SRCAP: variants seen among roughly 807,000 people sequenced by gnomAD.
The protein encoded by SRCAP is Snf2 related CREBBP activator protein.
In SRCAP, 46 loss-of-function variants were observed where a neutral mutation model predicts 263.1. That is an observed-to-expected ratio of 0.17 (90% CI 0.14 to 0.22). The LOEUF is 0.22. SRCAP is among the 10% of genes least tolerant of loss of function. SRCAP has a pLI of 1.00. For missense variants in SRCAP, 3,695 were observed against 4,181.9 expected (o/e 0.88, Z 3.21); for synonymous variants, 1,813 against 1,662.1 (o/e 1.09, Z -2.21).
chr16:30,738,933 C>T lies in SRCAP; in HGVS notation c.8893C>T (p.Arg2965Trp), dbSNP rs141497857. The T allele has an allele frequency of 3.0e-4, 481 of 1,614,026 alleles. 1 individual carries two copies. In the Admixed American group the frequency reaches 6.9e-3, roughly 23 times the overall value. ...SSAGDGNSESRTQPPPHPSPL... is the reference protein window; with the variant it reads ...SSAGDGNSESWTQPPPHPSPL... ...TGCAGGGGATGGCAACTCCGAAAGTCGGACACAGCCACCCCCACACCCATC... is the reference window on the plus strand; with the variant it reads ...TGCAGGGGATGGCAACTCCGAAAGTTGGACACAGCCACCCCCACACCCATC... The change falls in exon 34 of 34, where the codon CGG (arginine) becomes TGG (tryptophan). Residue 2965 changes from arginine (R) to tryptophan (W), a missense_variant. By Grantham distance (101) the Arg-to-Trp change is moderately radical. Coordinates refer to ENST00000262518, the MANE Select transcript of SRCAP (RefSeq NM_006662.3).
intron 27 of SRCAP, among the ~76,000 whole-genome samples, chr16:30,730,513 C>T (rs2053103783): frequency 6.6e-6 from 1 of 152,084 alleles, no homozygotes; most frequent in Non-Finnish European, 1.5e-5. Context: ...CTCACTGCAA[C>T]TTCCGCCTCC....
Position 30,724,859 on chromosome 16 carries a change from C to T in SRCAP, c.5435C>T (p.Ser1812Phe), listed in dbSNP as rs2053048173. 1 of 1,614,032 alleles carries T rather than the reference C, an allele frequency of 6.2e-7. No homozygotes were observed. Among genetic ancestry groups the T allele is most frequent in the Admixed American group, 1.7e-5 (1 of 60,014 alleles). Reference sequence around the variant, plus strand: ...CAGACCTTGGCGCTGGCCCCAGCCTCCACACAGTCCCCAGCTTCCCAGGCA... The same window carrying T: ...CAGACCTTGGCGCTGGCCCCAGCCTTCACACAGTCCCCAGCTTCCCAGGCA... ...AAQTLALAPA[S>F]TQSPASQASS... is the part of the protein sequence containing the mutation. Residue 1812 changes from serine (S) to phenylalanine (F), a missense_variant, in exon 25 of 34, where the codon TCC becomes TTC. Coordinates refer to ENST00000262518, the MANE Select transcript of SRCAP (RefSeq NM_006662.3).
Position 30,720,446 on chromosome 16 carries a change from GATGGGTGCAAAC to G in SRCAP, c.2987+116_2987+127del, listed in dbSNP as rs902869532. The stretch of plus-strand genomic sequence containing the variant: ...ATGCAAGGCTGGAATATTTATATGG[GATGGGTGCAAAC>G]GTGGAGGGAATCAGGGAGAGAATAA... On this transcript the variant is annotated intron_variant, in intron 19 of 33. Transcript: ENST00000262518. 32 of 1,282,034 alleles carry G rather than the reference GATGGGTGCAAAC, an allele frequency of 2.5e-5. No individual in the cohort carries two copies. The African/African-American group carries it at 4.6e-4, about 18-fold the overall frequency. 79.4% of individuals were successfully genotyped at this position (1,282,034 alleles called of 1,614,324 possible).
chr16:30,728,099 C>T (rs2053080254), intron 25 of SRCAP, among the ~76,000 whole-genome samples: 1 of 152,114 alleles, frequency 6.6e-6, no homozygotes, highest in Admixed American at 6.6e-5. Context: ...CACTTCAAGC[C>T]AAGAGGTGAA....
intron 19 of SRCAP, 80 bp downstream of exon 19, chr16:30,720,411 A>G (rs1159075578): frequency 6.7e-7 from 1 of 1,487,348 alleles, no homozygotes; most frequent in African/African-American, 1.4e-5. Context: ...GGTGGGAAGA[A>G]AAGAGTTGGA....
intron 18 of SRCAP, among the ~76,000 whole-genome samples, 170 bp from the exon 19 acceptor site, chr16:30,719,992 A>G (rs992644319): frequency 1.3e-5 from 2 of 152,108 alleles, no homozygotes; most frequent in African/African-American, 2.4e-5. Context: ...TCTCATCTTC[A>G]TGTCCATGCG....
rs754805776 is a variant in SRCAP at position 30,713,299 on chromosome 16, G to A, written c.2222G>A (p.Arg741His). Residue 741 changes from arginine to histidine, a missense_variant, in exon 15 of 34, where the codon CGC becomes CAC. Physicochemically the swap from Arg to His is conservative, Grantham distance 29. Coordinates refer to ENST00000262518, the MANE Select transcript of SRCAP (RefSeq NM_006662.3). ...CAGGCCTTCCGTCGCAAGAACTGGC[G>A]CTATCTCATTCTGGATGAGGCGCAG... is the stretch of plus-strand genomic sequence containing the variant. ...DHQAFRRKNWRYLILDEAQNI... is the reference protein window; with the variant it reads ...DHQAFRRKNWHYLILDEAQNI... 13 of 1,614,146 alleles carry A rather than the reference G, an allele frequency of 8.1e-6. No homozygotes were observed. Among genetic ancestry groups the A allele is most frequent in the Admixed American group, 1.7e-5 (1 of 60,006 alleles).
chr16:30,712,930 T>C, intron 14 of SRCAP, 115 bp downstream of exon 14: 2 of 1,365,914 alleles, frequency 1.5e-6, no homozygotes, highest in Non-Finnish European at 2.0e-6. Flanking sequence ...ATTTTTTAAT[T>C]TTTTGTAAAA....
intron 25 of SRCAP, among the ~76,000 whole-genome samples, chr16:30,727,646 A>G (rs1220859141): frequency 6.6e-6 from 1 of 152,050 alleles, no homozygotes; most frequent in Non-Finnish European, 1.5e-5. Flanking sequence ...TCCGCCTCCC[A>G]GGTTCAAGCG....
intron 20 of SRCAP, 70 bp downstream of exon 20, chr16:30,721,048 G>A (rs1329435278): frequency 6.5e-7 from 1 of 1,547,946 alleles, no homozygotes; most frequent in Non-Finnish European, 8.7e-7. Context: ...GGAGGAAGTA[G>A]TGAAATTAAA....
chr16:30,716,257 G>A, intron 17 of SRCAP, 36 bp from the exon 18 acceptor site: 2 of 1,613,468 alleles, frequency 1.2e-6, no homozygotes, highest in South Asian at 1.1e-5. Flanking sequence ...GTAGGTGGCT[G>A]TTAGGACGTC....
intron 14 of SRCAP, 84 bp downstream of exon 14, chr16:30,712,899 CCTCT>C (rs2052906773): frequency 1.3e-5 from 20 of 1,509,136 alleles, no homozygotes; most frequent in South Asian, 2.6e-5. Flanking sequence ...TCCTTTCTCT[CCTCT>C]TTCTTTTTTA....
At position 30,738,846 on chromosome 16, in the gene SRCAP, A is replaced by C; in HGVS notation, c.8806A>C (p.Lys2936Gln). Residue 2936 changes from lysine (K) to glutamine (Q), a missense_variant, in exon 34 of 34, where the codon AAA (lysine) becomes CAA (glutamine). Lys to Gln is a moderately conservative substitution (Grantham distance 53). Coordinates refer to ENST00000262518, the MANE Select transcript of SRCAP (RefSeq NM_006662.3). ...CAATCCCCTCCTGTCACCTGTGGAG[A>C]AAAGAAGGCGAGGACGACCCCCTAA... ...RPNPLLSPVE[K>Q]RRRGRPPKAR... is the part of the protein sequence containing the mutation. 1 of 1,614,012 alleles carries C rather than the reference A, an allele frequency of 6.2e-7. No individual in the cohort carries two copies. The highest frequency in any genetic ancestry group is 8.5e-7 in the Non-Finnish European group (1 of 1,179,990).
At chr16:30,715,741 T>G (rs1039671416) in intron 16 of SRCAP, among the ~76,000 whole-genome samples, 1 of 152,218 alleles carries the variant, frequency 6.6e-6, no homozygotes, top group Admixed American at 6.5e-5. Flanking sequence ...AGGCCACAGT[T>G]TTTATTCTCC....
chr16:30,727,310 T>G lies in SRCAP; in HGVS notation c.5659-1656T>G, dbSNP rs993875240. Reference sequence around the variant, plus strand: ...TATCTGTTCAGATCCTCTGCCCTTTTAAAATGGGTTGTCTTTTTATTATTG... The same window carrying G: ...TATCTGTTCAGATCCTCTGCCCTTTGAAAATGGGTTGTCTTTTTATTATTG... On this transcript the variant is annotated intron_variant, in intron 25 of 33. Transcript: ENST00000262518. 3.9e-5 allele frequency among the ~76,000 whole-genome samples: 6 copies of G among 152,368 alleles called. No individual in the cohort carries two copies. In the South Asian group the frequency reaches 8.3e-4, roughly 21 times the overall value.
chr16:30,707,445 C>G (rs2052839947), intron 5 of SRCAP, 77 bp downstream of exon 5: 5 of 1,602,080 alleles, frequency 3.1e-6, no homozygotes, highest in Non-Finnish European at 4.3e-6. Flanking sequence ...GGGGACCAGA[C>G]AGAATGGTGT....
In SRCAP at chr16:30,734,497, A is replaced by G; in HGVS notation, c.6611A>G (p.Gln2204Arg). The change falls in exon 31 of 34, where the codon CAG (glutamine) becomes CGG (arginine). Residue 2204 changes from glutamine (Q) to arginine (R), a missense_variant and splice_region_variant. Gln to Arg is a conservative substitution (Grantham distance 43). Transcript: ENST00000262518. Reference protein sequence around the residue: ...GNFTTAYFKQQTIRELFDMPL... With the variant: ...GNFTTAYFKQRTIRELFDMPL... ...ACTTCCCTCTGTTCTATCCGATAGC[A>G]GACCATCCGAGAGCTGTTTGATATG... 1 of 1,613,968 alleles carries G rather than the reference A, an allele frequency of 6.2e-7. No individual in the cohort carries two copies. Among genetic ancestry groups the G allele is most frequent in the Non-Finnish European group, 8.5e-7 (1 of 1,179,930 alleles).
Position 30,723,045 on chromosome 16 carries a change from T to C in SRCAP, c.3975T>C (p.Pro1325=). Residue 1325 remains proline (P), a synonymous_variant, in exon 24 of 34, where the codon CCT becomes CCC. Transcript: ENST00000262518. ...CTCGGGATGGACTGACTCCTGTTCC[T>C]CCATTGGCCCCAGCACCCCGGCCTC... ...QAPRDGLTPV[P]PLAPAPRPPS... is the part of the protein sequence containing the mutation. 1 of 1,614,094 alleles carries C rather than the reference T, an allele frequency of 6.2e-7. No homozygotes were observed. The highest frequency in any genetic ancestry group is 8.5e-7 in the Non-Finnish European group (1 of 1,180,024).
rs1264736685 is a variant in SRCAP at position 30,699,227 on chromosome 16, G to C, written c.-299G>C. On this transcript the variant is annotated 5_prime_UTR_variant, in exon 1 of 34. Coordinates refer to ENST00000262518, the MANE Select transcript of SRCAP (RefSeq NM_006662.3). ...CACGAAACCTGAAGTCAAGAGTTAAGGCTTGTTGGCTTCTGGTGAGCTCGG... is the reference window on the plus strand; with the variant it reads ...CACGAAACCTGAAGTCAAGAGTTAACGCTTGTTGGCTTCTGGTGAGCTCGG... 3 of 398,668 alleles carry C rather than the reference G, an allele frequency of 7.5e-6. No individual in the cohort carries two copies. The highest frequency in any genetic ancestry group is 1.3e-5 in the Non-Finnish European group (3 of 226,176). 24.7% of individuals were successfully genotyped at this position (398,668 alleles called of 1,614,324 possible). A position where few individuals can be genotyped will look rare whatever the true frequency, so the allele number is the denominator to read the frequency against.
Sources: gnomAD v4.1 joint callset for allele counts (sites outside exome capture counted in the v4.1 genomes callset) on GRCh38, gnomAD v4.1.1 for gene constraint, MANE v1.5 for transcripts, NCBI Gene and HGNC (gene_info 2026-07-23, HGNC 2026-07-21) for gene names.